The following BRCA2 variants were observed in gnomAD, a reference collection of about 807,000 sequenced individuals.
The protein encoded by BRCA2 is BRCA2 DNA repair associated, also known as breast cancer type 2 susceptibility protein.
BRCA2 carries 203 observed loss-of-function variants against 276.7 expected under a neutral mutation model. The ratio of observed to expected loss-of-function variants is 0.73; its 90% CI spans 0.65 to 0.82. The LOEUF (loss-of-function observed/expected upper bound fraction) is 0.82. Ranked by LOEUF, BRCA2 falls within the 40% of genes least tolerant of loss-of-function variation. The pLI, the probability that BRCA2 is intolerant of heterozygous loss-of-function variation, is 0.00. For missense variants in BRCA2, 3,920 were observed against 3,915.0 expected (o/e 1.00, Z -0.03); for synonymous variants, 1,289 against 1,338.4 (o/e 0.96, Z 0.81).
intron 10 of BRCA2, among the ~76,000 whole-genome samples, chr13:32,335,590 C>T (rs2137480250): frequency 6.6e-6 from 1 of 151,818 alleles, no homozygotes; most frequent in Admixed American, 6.6e-5. Flanking sequence ...CTTTTCTGTG[C>T]CTTGCTTTTC....
rs750495335 is a variant in BRCA2 at position 32,338,597 on chromosome 13, G to A, written c.4242G>A (p.Thr1414=). ...AAGAACAGTTAACTGCTACTAAAAC[G>A]GAGCAAAATATAAAAGATTTTGAGA... is the stretch of plus-strand genomic sequence containing the variant. The part of the protein sequence containing the change: ...SNKEQLTATK[T]EQNIKDFETS... Residue 1414 remains threonine, a synonymous_variant, in exon 11 of 27, where the codon ACG becomes ACA. Coordinates refer to ENST00000380152, the MANE Select transcript of BRCA2 (RefSeq NM_000059.4). 1.3e-5 allele frequency: 21 copies of A among 1,595,150 alleles called. No homozygotes were observed. The highest frequency in any genetic ancestry group is 9.0e-5 in the East Asian group (4 of 44,520).
At chr13:32,351,852 A>C (rs542571050) in intron 13 of BRCA2, among the ~76,000 whole-genome samples, 2 of 151,992 alleles carry the variant, frequency 1.3e-5, no homozygotes, top group African/African-American at 4.8e-5. Flanking sequence ...CCCAGGCTGG[A>C]GTACAGTGGC....
intron 13 of BRCA2, among the ~76,000 whole-genome samples, chr13:32,354,645 ACT>A (rs1164915529): frequency 6.6e-6 from 1 of 151,780 alleles, no homozygotes; most frequent in African/African-American, 2.4e-5. Flanking sequence ...CACTTGACAG[ACT>A]CTCTTCTATT....
chr13:32,332,012 G>T (rs1340911280), intron 9 of BRCA2, among the ~76,000 whole-genome samples: 2 of 152,070 alleles, frequency 1.3e-5, no homozygotes, highest in Non-Finnish European at 2.9e-5. Context: ...AACTGCTAAA[G>T]AAAGGTTTTT....
At chr13:32,361,064 A>G (rs1219804868) in intron 16 of BRCA2, among the ~76,000 whole-genome samples, 1 of 152,222 alleles carries the variant, frequency 6.6e-6, no homozygotes, top group Non-Finnish European at 1.5e-5. Context: ...GCAGTTGGAT[A>G]TGGAAGTCTA....
chr13:32,388,080 G>A (rs1443024229), intron 24 of BRCA2, among the ~76,000 whole-genome samples: 3 of 150,694 alleles, frequency 2.0e-5, no homozygotes, highest in African/African-American at 4.9e-5. Context: ...GAGAACACCC[G>A]CTAAGCCGCA....
At chr13:32,360,268 A>G (rs1371616652) in intron 16 of BRCA2, among the ~76,000 whole-genome samples, 1 of 152,218 alleles carries the variant, frequency 6.6e-6, no homozygotes, top group Non-Finnish European at 1.5e-5. Context: ...TAGATGAGAT[A>G]CAAAAGGAAG....
At chr13:32,329,088 G>C (rs183371175) in intron 7 of BRCA2, among the ~76,000 whole-genome samples, 1 of 152,234 alleles carries the variant, frequency 6.6e-6, no homozygotes, top group African/African-American at 2.4e-5. Context: ...TATATAGTAT[G>C]CCTTTAGGCT....
rs28897714 is a variant in BRCA2, at chr13:32,336,449, A to G, written c.2094A>G (p.Leu698=). The G allele has an allele frequency of 2.2e-5, 36 of 1,613,880 alleles. No homozygotes were observed. Among genetic ancestry groups the G allele is most frequent in the Non-Finnish European group, 2.9e-5 (34 of 1,179,928 alleles). ...YKEAKCNKEK[L]QLFITPEADS... is the part of the protein sequence containing the mutation. ...AAGCAAAATGTAATAAGGAAAAACT[A>G]CAGTTATTTATTACCCCAGAAGCTG... The change falls in exon 11 of 27, where the codon CTA becomes CTG. Residue 698 remains leucine, a synonymous_variant. Transcript: ENST00000380152.
At chr13:32,370,610 ATTTG>A (rs1255927293) in intron 19 of BRCA2, 53 bp downstream of exon 19, 47 of 1,569,746 alleles carry the variant, frequency 3.0e-5, no homozygotes, top group Non-Finnish European at 3.9e-5. Flanking sequence ...GATACAATTA[ATTTG>A]TTTGTTTGTT....
At chr13:32,334,336 CAT>C (rs947365630) in intron 10 of BRCA2, among the ~76,000 whole-genome samples, 9 of 152,126 alleles carry the variant, frequency 5.9e-5, no homozygotes, top group South Asian at 2.1e-4. Context: ...TTGGACAACT[CAT>C]ATAAATATGT....
intron 24 of BRCA2, among the ~76,000 whole-genome samples, chr13:32,390,822 CATAATGGGTTGAAG>C (rs2072991970): frequency 6.6e-6 from 1 of 152,174 alleles, no homozygotes; most frequent in African/African-American, 2.4e-5. Context: ...CCACTTCTGA[CATAATGGGTTGAAG>C]CAGGGGTCAG....
rs80359200 is a variant in BRCA2, at chr13:32,394,726, C to G, written c.9294C>G (p.Tyr3098Ter). The change falls in exon 25 of 27, where the codon TAC (tyrosine) becomes TAG (stop). Residue 3098 changes from tyrosine (Y) to a stop codon, truncating the protein, a stop_gained. Coordinates refer to ENST00000380152, the MANE Select transcript of BRCA2 (RefSeq NM_000059.4). LOFTEE classifies it high-confidence loss of function. ...APFVYLSDEC[Y>*]NLLAIKFWID... ...TCGTCTATTTGTCAGACGAATGTTA[C>G]AATTTACTGGCAATAAAGTTTTGGA... 7.4e-6 allele frequency: 12 copies of G among 1,613,640 alleles called. No individual in the cohort carries two copies. Among genetic ancestry groups the G allele is most frequent in the African/African-American group, 1.3e-5 (1 of 74,866 alleles).
rs397507907 is a variant in BRCA2 at position 32,355,101 on chromosome 13, TCA to T, written c.7251_7252del (p.His2417GlnfsTer3). 1 of 1,613,838 alleles carries T rather than the reference TCA, an allele frequency of 6.2e-7. No individual in the cohort carries two copies. Among genetic ancestry groups the T allele is most frequent in the Non-Finnish European group, 8.5e-7 (1 of 1,179,748 alleles). ...VPPFKTKSHF[H>X]RVEQCVRNIN... is the part of the protein sequence containing the mutation. ...CACCTTTTAAAACTAAATCACATTT[TCA>T]CAGAGTTGAACAGTGTGTTAGGAAT... On this transcript the variant is annotated frameshift_variant, in exon 14 of 27. Transcript: ENST00000380152. LOFTEE classifies it high-confidence loss of function.
In BRCA2 at chr13:32,371,053, T is replaced by TAGA. The variant is rs730881616; in HGVS notation, c.8588_8590dup (p.Glu2863dup). The TAGA allele has an allele frequency of 7.4e-6, 12 of 1,614,152 alleles. No individual in the cohort carries two copies. Among genetic ancestry groups the TAGA allele is most frequent in the South Asian group, 1.1e-5 (1 of 91,082 alleles). On this transcript the variant is annotated inframe_insertion, in exon 20 of 27. Coordinates refer to ENST00000380152, the MANE Select transcript of BRCA2 (RefSeq NM_000059.4). ...TATGTGGAGGCCCAACAAAAGAGAC[T>TAGA]AGAAGCCTTATTCACTAAAATTCAG...
At chr13:32,395,461 A>G (rs1426063638) in intron 25 of BRCA2, among the ~76,000 whole-genome samples, 1 of 152,212 alleles carries the variant, frequency 6.6e-6, no homozygotes, top group East Asian at 1.9e-4. Flanking sequence ...ACTATGTGTC[A>G]GACCTTGTTC....
intron 2 of BRCA2, 95 bp downstream of exon 2, chr13:32,316,622 A>C: frequency 9.3e-7 from 1 of 1,079,462 alleles, no homozygotes; most frequent in Non-Finnish European, 1.4e-6. Context: ...AGTGTTGCTT[A>C]GAACCATAAA....
rs80359398 is a variant in BRCA2, at chr13:32,338,043, TC to T, written c.3689del (p.Ser1230LeufsTer9). The T allele has an allele frequency of 3.1e-6, 5 of 1,611,938 alleles. No individual in the cohort carries two copies. The highest frequency in any genetic ancestry group is 4.2e-6 in the Non-Finnish European group (5 of 1,178,968). On this transcript the variant is annotated frameshift_variant, in exon 11 of 27. Transcript: ENST00000380152. LOFTEE classifies it high-confidence loss of function. ...TGCTCATGGCACAAAACTGAATGTT[TC>T]TACTGAAGCTCTGCAAAAAGCTGTG... ...YSAHGTKLNV[S>X]TEALQKAVKL... is the part of the protein sequence containing the mutation.
chr13:32,338,964 G>C lies in BRCA2; in HGVS notation c.4609G>C (p.Glu1537Gln), dbSNP rs753244927. The C allele has an allele frequency of 1.2e-6, 2 of 1,613,792 alleles. No individual in the cohort carries two copies. Among genetic ancestry groups the C allele is most frequent in the Non-Finnish European group, 1.7e-6 (2 of 1,179,872 alleles). ...CGGGAAAAAAGTTAAAATTGCAAAG[G>C]AATCTTTGGACAAAGTGAAAAACCT... The part of the protein sequence containing the change: ...ASGKKVKIAK[E>Q]SLDKVKNLFD... The change falls in exon 11 of 27, where the codon GAA becomes CAA. Residue 1537 changes from glutamate (E) to glutamine (Q), a missense_variant. Physicochemically the swap from Glu to Gln is conservative, Grantham distance 29 (BLOSUM62 2). Around this residue, in one of 2 missense-constraint regions of BRCA2, gnomAD observed 3,263 missense variants for 3,156.9 expected, o/e 1.03. Transcript: ENST00000380152.
Sources: allele counts gnomAD v4.1 joint callset (sites outside exome capture counted in the v4.1 genomes callset), GRCh38; gene constraint gnomAD v4.1.1; regional missense constraint gnomAD v4.1.1; transcripts MANE v1.5; gene names NCBI Gene and HGNC (gene_info 2026-07-23, HGNC 2026-07-21).